ZFHX3: variants seen among roughly 807,000 people sequenced by gnomAD.
ZFHX3 encodes zinc finger homeobox protein 3.
Under a neutral mutation model 279.1 loss-of-function variants are expected in ZFHX3, and 42 were observed. The ratio of observed to expected loss-of-function variants is 0.15; its 90% CI spans 0.12 to 0.19. ZFHX3 has a LOEUF of 0.19. Among genes scored for constraint, ZFHX3 ranks in the 10% least tolerant of loss-of-function variants. The pLI is 1.00. For missense variants in ZFHX3, 4,981 were observed against 4,754.0 expected (o/e 1.05, Z -1.40); for synonymous variants, 2,293 against 1,957.8 (o/e 1.17, Z -4.52).
intron 3 of ZFHX3, among the ~76,000 whole-genome samples, chr16:72,909,480 C>T (rs550021418): frequency 2.0e-5 from 3 of 152,290 alleles, no homozygotes; most frequent in South Asian, 4.1e-4. Flanking sequence ...AAAAATCACG[C>T]GCCTGCTCTC....
intron 2 of ZFHX3, among the ~76,000 whole-genome samples, chr16:73,673,845 T>A (rs2052927655): frequency 6.6e-6 from 1 of 152,058 alleles, no homozygotes; most frequent in Non-Finnish European, 1.5e-5. Flanking sequence ...AAACTAGGAA[T>A]TGATCTAGAA....
chr16:73,489,908 A>T (rs1209459777), intron 2 of ZFHX3, among the ~76,000 whole-genome samples: 1 of 152,168 alleles, frequency 6.6e-6, no homozygotes, highest in Non-Finnish European at 1.5e-5. Flanking sequence ...ACAATGTCAA[A>T]ATTTGTCTGA....
intron 6 of ZFHX3, among the ~76,000 whole-genome samples, chr16:73,134,774 C>T (rs965966766): frequency 1.4e-4 from 21 of 152,014 alleles, no homozygotes; most frequent in Non-Finnish European, 1.5e-5. Context: ...TCAGACTTGG[C>T]CATGTGACTT....
intron 5 of ZFHX3, among the ~76,000 whole-genome samples, chr16:73,169,336 T>C (rs1175033137): frequency 1.3e-5 from 2 of 152,188 alleles, no homozygotes; most frequent in Admixed American, 6.5e-5. Context: ...ATCTAGAATG[T>C]TGGTATTATG....
chr16:73,245,884 C>T (rs2013266402), intron 5 of ZFHX3, among the ~76,000 whole-genome samples: 1 of 152,072 alleles, frequency 6.6e-6, no homozygotes, highest in Non-Finnish European at 1.5e-5. Context: ...TGAACTTGTC[C>T]TGCCTCTTTA....
chr16:73,499,835 A>G (rs2019204356), intron 2 of ZFHX3: 1 of 152,214 alleles, frequency 6.6e-6, no homozygotes, highest in Non-Finnish European at 1.5e-5. Flanking sequence ...GTCCTGTAAG[A>G]TTACAATGGC....
rs2035278367 is a variant in ZFHX3, at chr16:72,784,673, G to A, written c.*2491C>T. ...AGAAATACAAGATTTCTTGTTAAAA[G>A]GAAATAGCTTGTTAAAACAGTAAAT... On this transcript the variant is annotated 3_prime_UTR_variant, in exon 10 of 10. Transcript: ENST00000268489. 1 of 152,288 alleles carries A rather than the reference G, an allele frequency of 6.6e-6. No homozygotes were observed. The highest frequency in any genetic ancestry group is 2.4e-5 in the African/African-American group (1 of 41,376). 9.4% of individuals were successfully genotyped at this position (152,288 alleles called of 1,614,324 possible).
chr16:73,855,916 A>G (rs1171507280), intron 1 of ZFHX3, among the ~76,000 whole-genome samples: 1 of 152,218 alleles, frequency 6.6e-6, no homozygotes. Flanking sequence ...AATGTTGTCT[A>G]TCATGGCATT....
rs568138093 is a variant in ZFHX3, at chr16:73,168,776, G to C, written c.-1103-24945C>G. On this transcript the variant is annotated intron_variant, in intron 5 of 17. Coordinates refer to the ZFHX3 transcript ENST00000641206. The stretch of plus-strand genomic sequence containing the variant: ...TCTGTGCACCATCTCAGGATCTCCA[G>C]CTAGCTGCCCTCTGGGTTTCAGCAA... Among the ~76,000 whole-genome samples the C allele has an allele frequency of 2.0e-5, 3 of 152,212 alleles. No homozygotes were observed. The South Asian group carries it at 6.2e-4, about 32-fold the overall frequency.
At chr16:72,954,687 C>T (rs576255706) in intron 2 of ZFHX3, among the ~76,000 whole-genome samples, 18 of 152,204 alleles carry the variant, frequency 1.2e-4, no homozygotes, top group African/African-American at 3.9e-4. Flanking sequence ...ACTTCAGAGT[C>T]GAAAGGAAGG....
chr16:73,626,543 T>C (rs1006626119), intron 2 of ZFHX3, among the ~76,000 whole-genome samples: 1 of 152,278 alleles, frequency 6.6e-6, no homozygotes, highest in Admixed American at 6.5e-5. Context: ...ATCAATGACC[T>C]CCAGTAAAAA....
intron 1 of ZFHX3, chr16:73,891,526 T>C (rs895883430): frequency 4.6e-5 from 7 of 151,038 alleles, no homozygotes; most frequent in African/African-American, 1.5e-4. Flanking sequence ...AGAGGACATA[T>C]GAATGTAAAG....
chr16:73,848,922 A>C (rs1961521146), intron 1 of ZFHX3, among the ~76,000 whole-genome samples: 2 of 152,276 alleles, frequency 1.3e-5, no homozygotes, highest in South Asian at 2.1e-4. Context: ...TACAAGCCAC[A>C]TTCCTTCCAG....
chr16:73,514,021 G>A (rs943894553), intron 2 of ZFHX3, among the ~76,000 whole-genome samples: 5 of 152,180 alleles, frequency 3.3e-5, no homozygotes, highest in Admixed American at 3.3e-4. Flanking sequence ...GGCCAAGGCA[G>A]TCAGATCCCA....
chr16:73,150,487 A>G (rs1045975865), intron 5 of ZFHX3, among the ~76,000 whole-genome samples: 2 of 152,252 alleles, frequency 1.3e-5, no homozygotes, highest in Admixed American at 1.3e-4. Flanking sequence ...TATCAAATAA[A>G]ATAAATACAC....
chr16:73,105,765 T>A (rs140930124), intron 7 of ZFHX3, among the ~76,000 whole-genome samples: 126 of 152,092 alleles, frequency 8.3e-4, no homozygotes, highest in African/African-American at 1.6e-3. Flanking sequence ...AAAATAAAAT[T>A]AAATTAAATA....
chr16:73,039,612 C>G (rs780299692), intron 1 of ZFHX3, among the ~76,000 whole-genome samples: 35 of 152,128 alleles, frequency 2.3e-4, no homozygotes, highest in Non-Finnish European at 4.1e-4. Flanking sequence ...CCCACTCCCC[C>G]CAAAAACAAT....
At chr16:73,573,135 T>A (rs1448695754) in intron 2 of ZFHX3, among the ~76,000 whole-genome samples, 1 of 152,152 alleles carries the variant, frequency 6.6e-6, no homozygotes, top group Non-Finnish European at 1.5e-5. Flanking sequence ...GGGGACAGGG[T>A]GCGTTTTATT....
At position 73,780,396 on chromosome 16, in the gene ZFHX3, C is replaced by T. The variant is rs147894505; in HGVS notation, c.-1607-100156G>A. Among the ~76,000 whole-genome samples the T allele has an allele frequency of 4.3e-3, 643 of 150,946 alleles. 4 individuals carry two copies. The highest frequency in any genetic ancestry group is 6.4e-3 in the Non-Finnish European group (437 of 67,772). ...CTCCTGAACTCAGGTAATCCACCCACCTCGGCCTCCCAAAGTGTTGAGTTT... is the reference window on the plus strand; with the variant it reads ...CTCCTGAACTCAGGTAATCCACCCATCTCGGCCTCCCAAAGTGTTGAGTTT... On this transcript the variant is annotated intron_variant, in intron 1 of 17. Transcript: ENST00000641206.
Sources: gnomAD v4.1 joint callset for allele counts (sites outside exome capture counted in the v4.1 genomes callset) on GRCh38, gnomAD v4.1.1 for gene constraint, MANE v1.5 for transcripts, NCBI Gene and HGNC (gene_info 2026-07-23, HGNC 2026-07-21) for gene names.